Variants in OXR1 observed in about 807,000 individuals in gnomAD.
The protein encoded by OXR1 is oxidation resistance protein 1.
In OXR1, 41 loss-of-function variants were observed where a neutral mutation model predicts 104.6. That is an observed-to-expected ratio of 0.39 (90% confidence interval 0.31 to 0.51). The LOEUF (loss-of-function observed/expected upper bound fraction) is 0.51, where lower values mean the gene tolerates loss of function less well. Among genes scored for constraint, OXR1 ranks in the 20% least tolerant of loss-of-function variants. The pLI is 0.77. For missense variants in OXR1, 955 were observed against 1,031.9 expected (o/e 0.93, Z 1.02); for synonymous variants, 348 against 348.4 (o/e 1.00, Z 0.01).
chr8:106,464,043 AC>A (rs1426233057), intron 2 of OXR1, among the ~76,000 whole-genome samples: 3 of 151,788 alleles, frequency 2.0e-5, no homozygotes, highest in Non-Finnish European at 4.4e-5. Context: ...AAGTGAACTT[AC>A]CTATTTTTTT....
chr8:106,607,886 A>T (rs532611522), intron 3 of OXR1, among the ~76,000 whole-genome samples: 1 of 151,858 alleles, frequency 6.6e-6, no homozygotes, highest in Admixed American at 6.6e-5. Context: ...CCTACACAGT[A>T]TGTAGCAAAG....
At position 106,751,698 on chromosome 8, in the gene OXR1, A is replaced by G. The variant is rs1835899712; in HGVS notation, c.*757A>G. ...GGATTTAATATATTAGCAAGAAAAC[A>G]TACTATTTACATATGTGTAGCTTAG... On this transcript the variant is annotated 3_prime_UTR_variant, in exon 17 of 17. Transcript: ENST00000517566. 2 of 152,586 alleles carry G rather than the reference A, an allele frequency of 1.3e-5. No individual in the cohort carries two copies. The highest frequency in any genetic ancestry group is 2.4e-5 in the African/African-American group (1 of 41,454). The allele number at this position is 152,586 out of a possible 1,614,324, so 9.5% of individuals were successfully genotyped here.
chr8:106,496,999 A>G (rs1190846540), intron 2 of OXR1, among the ~76,000 whole-genome samples: 1 of 152,146 alleles, frequency 6.6e-6, no homozygotes, highest in African/African-American at 2.4e-5. Flanking sequence ...GGATTTTTGC[A>G]CCATTCTGGG....
intron 1 of OXR1, among the ~76,000 whole-genome samples, chr8:106,303,946 A>C (rs1227928077): frequency 1.3e-5 from 2 of 152,204 alleles, no homozygotes; most frequent in Non-Finnish European, 2.9e-5. Context: ...TTAATCTGTA[A>C]ATAGTAAAAA....
At chr8:106,737,721 C>G (rs1834529171) in intron 12 of OXR1, 121 bp downstream of exon 12, 2 of 407,966 alleles carry the variant, frequency 4.9e-6, no homozygotes, top group East Asian at 7.0e-5. Flanking sequence ...AATTAAATTC[C>G]TTTTTGTATT....
chr8:106,448,981 G>A (rs1359383899), intron 2 of OXR1, among the ~76,000 whole-genome samples: 1 of 151,998 alleles, frequency 6.6e-6, no homozygotes, highest in Non-Finnish European at 1.5e-5. Context: ...TAGGTGGGCA[G>A]GTAAGAAAAA....
At chr8:106,367,441 T>A (rs1488185299) in intron 2 of OXR1, among the ~76,000 whole-genome samples, 1 of 152,188 alleles carries the variant, frequency 6.6e-6, no homozygotes, top group Non-Finnish European at 1.5e-5. Flanking sequence ...TGAATAATTT[T>A]AAAATAATTC....
chr8:106,294,823 C>T lies in OXR1; in HGVS notation c.-139+24456C>T, dbSNP rs963572462. Among the ~76,000 whole-genome samples the T allele has an allele frequency of 3.3e-5, 5 of 152,166 alleles. No homozygotes were observed. The South Asian group carries it at 1.0e-3, about 32-fold the overall frequency. Reference sequence around the variant, plus strand: ...TATCACAGGGTAACTCAAGCAAACCCTTACTTGTTCTTGAAAACTTAACTC... The same window carrying T: ...TATCACAGGGTAACTCAAGCAAACCTTTACTTGTTCTTGAAAACTTAACTC... On this transcript the variant is annotated intron_variant, in intron 1 of 16. Transcript: ENST00000517566.
At chr8:106,276,785 G>T (rs10955418) in intron 1 of OXR1, among the ~76,000 whole-genome samples, 2 of 150,140 alleles carry the variant, frequency 1.3e-5, no homozygotes, top group South Asian at 4.2e-4. Context: ...TAACTGATGG[G>T]TCTCTAATTA....
chr8:106,392,258 G>T (rs1037791015), intron 2 of OXR1, among the ~76,000 whole-genome samples: 1 of 152,144 alleles, frequency 6.6e-6, no homozygotes, highest in Non-Finnish European at 1.5e-5. Context: ...TTTGTGCAAA[G>T]GACCAAAGGA....
intron 11 of OXR1, chr8:106,729,721 A>G (rs1563753298): frequency 6.6e-6 from 1 of 152,028 alleles, no homozygotes; most frequent in Non-Finnish European, 1.5e-5. Flanking sequence ...AATTTATTTG[A>G]CTCAATTGTT....
intron 1 of OXR1, among the ~76,000 whole-genome samples, chr8:106,331,975 A>G (rs763707485): frequency 4.7e-5 from 7 of 147,862 alleles, no homozygotes; most frequent in Non-Finnish European, 7.4e-5. Flanking sequence ...TCTTTGTTAT[A>G]TTTATTTCTT....
intron 2 of OXR1, among the ~76,000 whole-genome samples, chr8:106,383,818 A>G (rs1421755116): frequency 6.6e-6 from 1 of 152,192 alleles, no homozygotes; most frequent in African/African-American, 2.4e-5. Flanking sequence ...AATCAAAATC[A>G]TTTTATCATG....
At chr8:106,528,111 C>T (rs572076097) in intron 3 of OXR1, among the ~76,000 whole-genome samples, 75 of 152,090 alleles carry the variant, frequency 4.9e-4, no homozygotes, top group Non-Finnish European at 9.0e-4. Context: ...CTCCCTCTTT[C>T]CTTTCTTTCT....
rs548799464 is a variant in OXR1, at chr8:106,643,105, C to G, written c.221-36105C>G. ...AACAGAGGCAAATTTATGGTTGACT[C>G]AGTAATTAGGGATACCGAATGTCAC... On this transcript the variant is annotated intron_variant, in intron 3 of 16. Coordinates refer to ENST00000517566, the MANE Select transcript of OXR1 (RefSeq NM_001198533.2). Among the ~76,000 whole-genome samples the G allele has an allele frequency of 2.0e-5, 3 of 152,208 alleles. No homozygotes were observed. In the East Asian group the frequency reaches 5.8e-4, roughly 29 times the overall value.
intron 1 of OXR1, among the ~76,000 whole-genome samples, chr8:106,329,488 C>T (rs1814622253): frequency 6.6e-6 from 1 of 151,544 alleles, no homozygotes; most frequent in Non-Finnish European, 1.5e-5. Context: ...GCTGGGACTA[C>T]AGACGCCCTC....
chr8:106,643,438 T>A (rs2130955879), intron 3 of OXR1, among the ~76,000 whole-genome samples: 1 of 152,230 alleles, frequency 6.6e-6, no homozygotes, highest in Non-Finnish European at 1.5e-5. Flanking sequence ...AATAGAATTT[T>A]TTTTTTTTTT....
Position 106,692,792 on chromosome 8 carries a change from G to A in OXR1, c.590G>A (p.Arg197Gln), listed in dbSNP as rs778365533. The A allele has an allele frequency of 6.6e-5, 105 of 1,602,864 alleles. No homozygotes were observed. Among genetic ancestry groups the A allele is most frequent in the Non-Finnish European group, 8.4e-5 (99 of 1,172,392 alleles). ...SSTFTGIRPARVVSSTSEEEE... is the reference protein window; with the variant it reads ...SSTFTGIRPAQVVSSTSEEEE... ...ACTTTCACTGGTATTCGACCTGCACGAGTTGTATCTTCAACTTCTGAGGAG... is the reference window on the plus strand; with the variant it reads ...ACTTTCACTGGTATTCGACCTGCACAAGTTGTATCTTCAACTTCTGAGGAG... Residue 197 changes from arginine (R) to glutamine (Q), a missense_variant, in exon 7 of 17, where the codon CGA (arginine) becomes CAA (glutamine). Transcript: ENST00000517566.
chr8:106,489,974 G>C (rs141058478), intron 2 of OXR1, among the ~76,000 whole-genome samples: 81 of 152,238 alleles, frequency 5.3e-4, no homozygotes, highest in African/African-American at 1.8e-3. Context: ...AGGACAACTG[G>C]CTTAAATTAA....
Sources: allele counts gnomAD v4.1 joint callset (sites outside exome capture counted in the v4.1 genomes callset), GRCh38; gene constraint gnomAD v4.1.1; transcripts MANE v1.5; gene names NCBI Gene and HGNC (gene_info 2026-07-23, HGNC 2026-07-21).